Variants in STK39 observed in about 807,000 individuals in gnomAD.
STK39 encodes serine/threonine kinase 39.
In STK39, 20 loss-of-function variants were observed where a neutral mutation model predicts 77.8. The observed-to-expected ratio is 0.26, with a 90% CI of 0.18 to 0.37. STK39 has a LOEUF of 0.37. Among genes scored for constraint, STK39 ranks in the 10% least tolerant of loss-of-function variants. STK39 has a pLI of 1.00. For missense variants in STK39, 479 were observed against 656.5 expected (o/e 0.73, Z 2.95); for synonymous variants, 246 against 234.1 (o/e 1.05, Z -0.47).
chr2:168,120,076 C>T (rs1303967174), intron 10 of STK39, among the ~76,000 whole-genome samples: 1 of 152,152 alleles, frequency 6.6e-6, no homozygotes, highest in Non-Finnish European at 1.5e-5. Flanking sequence ...TTAGGGATAG[C>T]TTAACTCACT....
chr2:167,981,250 T>C lies in STK39; in HGVS notation c.1499-16524A>G, dbSNP rs377473905. Reference sequence around the variant, plus strand: ...CATTGCTTCCTTCATTGAGAAAGTCTTGCTACCCAGAAAAAAAGACAGCTG... The same window carrying C: ...CATTGCTTCCTTCATTGAGAAAGTCCTGCTACCCAGAAAAAAAGACAGCTG... On this transcript the variant is annotated intron_variant, in intron 16 of 17. Transcript: ENST00000355999. Among the ~76,000 whole-genome samples, 199 of 152,356 alleles carry C rather than the reference T, an allele frequency of 1.3e-3. 3 individuals carry two copies. Among genetic ancestry groups the C allele is most frequent in the African/African-American group, 4.2e-3 (176 of 41,582 alleles).
chr2:168,009,914 TTCC>T (rs1411116388), intron 16 of STK39, among the ~76,000 whole-genome samples: 8 of 152,212 alleles, frequency 5.3e-5, no homozygotes. Context: ...CTGCCTTAAT[TTCC>T]TCCTTTTAAA....
At chr2:168,072,291 A>G (rs1345306623) in intron 12 of STK39, among the ~76,000 whole-genome samples, 1 of 152,214 alleles carries the variant, frequency 6.6e-6, no homozygotes, top group Non-Finnish European at 1.5e-5. Flanking sequence ...GAACAAAGTG[A>G]TAGTTACAGG....
chr2:168,018,530 AAAG>A (rs1220363393), intron 14 of STK39, among the ~76,000 whole-genome samples: 1 of 76,968 alleles, frequency 1.3e-5, no homozygotes. Context: ...AAAAGAAAGA[AAAG>A]AAAGAAAAGA....
chr2:168,222,108 C>T (rs1421258292), intron 1 of STK39, among the ~76,000 whole-genome samples: 1 of 152,122 alleles, frequency 6.6e-6, no homozygotes, highest in African/African-American at 2.4e-5. Context: ...TAACAGTCTG[C>T]TGTTTTGGCT....
At chr2:168,056,044 A>T (rs1345217922) in intron 14 of STK39, among the ~76,000 whole-genome samples, 1 of 152,216 alleles carries the variant, frequency 6.6e-6, no homozygotes, top group Non-Finnish European at 1.5e-5. Flanking sequence ...ATAAAAGAAA[A>T]AGATAAATCT....
At chr2:168,239,469 C>T (rs1333289358) in intron 1 of STK39, among the ~76,000 whole-genome samples, 3 of 152,190 alleles carry the variant, frequency 2.0e-5, no homozygotes, top group Admixed American at 6.5e-5. Context: ...GGCAGGTGGA[C>T]GCACTCAAAG....
At chr2:168,167,991 G>C (rs975301631) in intron 2 of STK39, among the ~76,000 whole-genome samples, 8 of 152,108 alleles carry the variant, frequency 5.3e-5, no homozygotes, top group African/African-American at 1.4e-4. Flanking sequence ...GGAAGAGAGC[G>C]GCAGGCGAAG....
At chr2:168,067,804 C>A (rs1685833818) in intron 12 of STK39, among the ~76,000 whole-genome samples, 1 of 152,092 alleles carries the variant, frequency 6.6e-6, no homozygotes, top group African/African-American at 2.4e-5. Context: ...AAACAATTTG[C>A]TATAGGATGG....
intron 1 of STK39, among the ~76,000 whole-genome samples, chr2:168,185,341 C>T (rs964992264): frequency 6.6e-6 from 1 of 152,176 alleles, no homozygotes; most frequent in East Asian, 1.9e-4. Context: ...TTTCAGTTCA[C>T]TCTTTTAAGT....
chr2:168,171,547 G>A (rs1046176742), intron 2 of STK39, among the ~76,000 whole-genome samples: 25 of 150,520 alleles, frequency 1.7e-4, no homozygotes, highest in African/African-American at 1.2e-4. Flanking sequence ...GTGCAATGGC[G>A]CAATCATAGC....
At chr2:168,082,792 A>G (rs1187659637) in intron 10 of STK39, among the ~76,000 whole-genome samples, 1 of 152,236 alleles carries the variant, frequency 6.6e-6, no homozygotes, top group Non-Finnish European at 1.5e-5. Context: ...TCTGTTGGAT[A>G]TAAACACCTT....
chr2:168,144,488 T>C (rs1688079678), intron 5 of STK39, among the ~76,000 whole-genome samples: 1 of 151,942 alleles, frequency 6.6e-6, no homozygotes, highest in Non-Finnish European at 1.5e-5. Flanking sequence ...TTATTTTTTG[T>C]AGATATGGGG....
intron 12 of STK39, among the ~76,000 whole-genome samples, chr2:168,068,564 T>TG (rs1685856027): frequency 6.6e-6 from 1 of 152,104 alleles, no homozygotes; most frequent in Admixed American, 6.5e-5. Flanking sequence ...AAATCAACAG[T>TG]GGGGGAGATT....
At chr2:167,986,206 T>C (rs147043568) in intron 16 of STK39, among the ~76,000 whole-genome samples, 1 of 152,158 alleles carries the variant, frequency 6.6e-6, no homozygotes, top group African/African-American at 2.4e-5. Context: ...TTGTGATGAT[T>C]ATCAAAAAGT....
intron 10 of STK39, among the ~76,000 whole-genome samples, chr2:168,081,854 C>T (rs981119050): frequency 2.6e-5 from 4 of 152,208 alleles, no homozygotes; most frequent in Non-Finnish European, 5.9e-5. Context: ...TTCCCCTGCA[C>T]AAGCTCTCTT....
intron 10 of STK39, among the ~76,000 whole-genome samples, chr2:168,077,294 A>C (rs921280337): frequency 2.0e-5 from 3 of 152,188 alleles, no homozygotes; most frequent in Admixed American, 6.5e-5. Flanking sequence ...AATTTAGTTT[A>C]CGTCCTTTCC....
intron 10 of STK39, chr2:168,113,110 T>C (rs1402184350): frequency 2.6e-5 from 4 of 152,188 alleles, no homozygotes; most frequent in Non-Finnish European, 4.4e-5. Context: ...ATTGTCTAAA[T>C]AGAAACTCTC....
intron 13 of STK39, among the ~76,000 whole-genome samples, chr2:168,064,228 T>C (rs909596685): frequency 6.6e-6 from 1 of 152,158 alleles, no homozygotes; most frequent in African/African-American, 2.4e-5. Context: ...TAAAATGATA[T>C]AGATGAAAGT....
Sources: gnomAD v4.1 joint callset for allele counts (sites outside exome capture counted in the v4.1 genomes callset) on GRCh38, gnomAD v4.1.1 for gene constraint, MANE v1.5 for transcripts, NCBI Gene and HGNC (gene_info 2026-07-23, HGNC 2026-07-21) for gene names.